EML4: variants seen among roughly 807,000 people sequenced by gnomAD.
EML4 encodes the protein EMAP like 4.
A neutral mutation model predicts 129.0 loss-of-function variants in EML4; 72 were observed. That is an observed-to-expected ratio of 0.56 (90% CI 0.46 to 0.68). The LOEUF (loss-of-function observed/expected upper bound fraction) is 0.68, where lower values mean the gene tolerates loss of function less well. Among genes scored for constraint, EML4 ranks in the 30% least tolerant of loss-of-function variants. The pLI is 0.00. For synonymous variants in EML4, 532 were observed against 405.0 expected (o/e 1.31, Z -3.77); for missense variants, 1,363 against 1,190.6 (o/e 1.14, Z -2.13).
intron 6 of EML4, among the ~76,000 whole-genome samples, chr2:42,267,065 T>A (rs1254013447): frequency 6.6e-6 from 1 of 152,226 alleles, no homozygotes; most frequent in African/African-American, 2.4e-5. Flanking sequence ...GTTTTACCAT[T>A]GACTTAGCTA....
chr2:42,244,108 T>TTTG (rs1675225749), intron 1 of EML4, among the ~76,000 whole-genome samples: 1 of 116,508 alleles, frequency 8.6e-6, no homozygotes, highest in Non-Finnish European at 1.9e-5. Flanking sequence ...TTTGTTTTTT[T>TTTG]TTTTTTTTTG....
intron 1 of EML4, among the ~76,000 whole-genome samples, chr2:42,188,855 C>T (rs1671419501): frequency 6.6e-6 from 1 of 152,136 alleles, no homozygotes; most frequent in African/African-American, 2.4e-5. Context: ...AAGGGCCAAG[C>T]ATGGTGGCTT....
At chr2:42,218,460 G>A (rs555769717) in intron 1 of EML4, among the ~76,000 whole-genome samples, 2 of 152,108 alleles carry the variant, frequency 1.3e-5, no homozygotes, top group Non-Finnish European at 2.9e-5. Flanking sequence ...CCCCTAGTCT[G>A]TGGAAACATT....
intron 4 of EML4, among the ~76,000 whole-genome samples, chr2:42,262,832 C>G (rs925728331): frequency 6.6e-6 from 1 of 152,050 alleles, no homozygotes; most frequent in African/African-American, 2.4e-5. Context: ...TTATAAAATT[C>G]AATGGCTATG....
chr2:42,249,820 A>G (rs1019879716), intron 2 of EML4, among the ~76,000 whole-genome samples: 4 of 152,168 alleles, frequency 2.6e-5, no homozygotes, highest in Admixed American at 6.6e-5. Flanking sequence ...TAAGGTGGCC[A>G]GTCACTTAAA....
At chr2:42,254,288 C>G (rs1675979274) in intron 2 of EML4, among the ~76,000 whole-genome samples, 1 of 151,846 alleles carries the variant, frequency 6.6e-6, no homozygotes, top group Admixed American at 6.6e-5. Flanking sequence ...AACCCTGTCT[C>G]TACGAAAAAA....
At chr2:42,305,326 A>G (rs6544539) in intron 17 of EML4, among the ~76,000 whole-genome samples, 3,643 of 152,324 alleles carry the variant, frequency 0.024, 140 homozygotes, top group African/African-American at 0.083. Flanking sequence ...ATGGGAGATT[A>G]AGAGGGAGTG....
At chr2:42,238,139 G>A (rs1674791272) in intron 1 of EML4, among the ~76,000 whole-genome samples, 1 of 152,136 alleles carries the variant, frequency 6.6e-6, no homozygotes, top group African/African-American at 2.4e-5. Context: ...GAATTTTGTA[G>A]TTAGACTTGG....
At chr2:42,256,443 T>C in intron 2 of EML4, 58 bp from the exon 3 acceptor site, 1 of 1,512,276 alleles carries the variant, frequency 6.6e-7, no homozygotes, top group South Asian at 1.3e-5. Flanking sequence ...TTTTAAAATT[T>C]AGATCTTTAA....
chr2:42,260,234 C>A (rs1182775514), intron 3 of EML4, among the ~76,000 whole-genome samples: 1 of 152,116 alleles, frequency 6.6e-6, no homozygotes, highest in African/African-American at 2.4e-5. Flanking sequence ...ATGGTGCAAT[C>A]TCCGCTCACT....
chr2:42,275,102 C>A (rs570486273), intron 6 of EML4, among the ~76,000 whole-genome samples: 1 of 152,024 alleles, frequency 6.6e-6, no homozygotes, highest in African/African-American at 2.4e-5. Flanking sequence ...CAATGTATAA[C>A]GCATATGTAA....
chr2:42,276,167 G>A (rs1316605966), intron 6 of EML4, among the ~76,000 whole-genome samples: 3 of 152,120 alleles, frequency 2.0e-5, no homozygotes, highest in Non-Finnish European at 4.4e-5. Context: ...AGAAGAGGTT[G>A]CAAACTGGTG....
At position 42,264,706 on chromosome 2, in the gene EML4, G is replaced by T. The variant is rs915669284; in HGVS notation, c.642G>T (p.Lys214Asn). 7.0e-7 allele frequency: 1 copy of T among 1,420,648 alleles called. No homozygotes were observed. Among genetic ancestry groups the T allele is most frequent in the Non-Finnish European group, 9.8e-7 (1 of 1,016,690 alleles). The allele number at this position is 1,420,648 out of a possible 1,614,324, so 88.0% of individuals were successfully genotyped here. ...TGTGTTTCTTAAATTTCTTTTCTAG[G>T]CATAAAGATGTCATCATCAACCAAG... ...LIPKVTKTAD[K>N]HKDVIINQEG... The change falls in exon 6 of 23, where the codon AAG becomes AAT. Residue 214 changes from lysine to asparagine, a missense_variant and splice_region_variant. Physicochemically the swap from Lys to Asn is moderately conservative, Grantham distance 94. Coordinates refer to ENST00000318522, the MANE Select transcript of EML4 (RefSeq NM_019063.5).
At chr2:42,276,306 C>A (rs746547634) in intron 6 of EML4, among the ~76,000 whole-genome samples, 1 of 152,052 alleles carries the variant, frequency 6.6e-6, no homozygotes, top group Non-Finnish European at 1.5e-5. Context: ...AATAAGAAGA[C>A]CTAGTACCAC....
Position 42,295,534 on chromosome 2 carries a change from T to G in EML4, c.1489+18T>G. On this transcript the variant is annotated intron_variant, in intron 13 of 22. Coordinates refer to ENST00000318522, the MANE Select transcript of EML4 (RefSeq NM_019063.5). ...ACCTAAAGGTACAGTATTCTTATATTAAACTCATTTCTGGTAATTCTCACA... is the reference window on the plus strand; with the variant it reads ...ACCTAAAGGTACAGTATTCTTATATGAAACTCATTTCTGGTAATTCTCACA... 2 of 1,603,612 alleles carry G rather than the reference T, an allele frequency of 1.2e-6. No individual in the cohort carries two copies. Among genetic ancestry groups the G allele is most frequent in the Non-Finnish European group, 1.7e-6 (2 of 1,176,456 alleles).
At chr2:42,224,626 G>C (rs1673831863) in intron 1 of EML4, among the ~76,000 whole-genome samples, 2 of 152,090 alleles carry the variant, frequency 1.3e-5, no homozygotes, top group African/African-American at 2.4e-5. Flanking sequence ...AGAACTGCCA[G>C]ATTGTTTTCC....
intron 1 of EML4, among the ~76,000 whole-genome samples, chr2:42,225,704 C>T (rs1673914072): frequency 6.6e-6 from 1 of 152,122 alleles, no homozygotes; most frequent in Non-Finnish European, 1.5e-5. Context: ...TTGATCCACC[C>T]TTCTTCCCTC....
chr2:42,229,526 GATAAC>G (rs1674186866), intron 1 of EML4, among the ~76,000 whole-genome samples: 1 of 152,102 alleles, frequency 6.6e-6, no homozygotes. Context: ...AAGCAAGACA[GATAAC>G]TGTCTTGCAA....
In EML4 at chr2:42,328,877, A is replaced by G. The variant is rs1669948571; in HGVS notation, c.2342-9A>G. 5 of 1,581,066 alleles carry G rather than the reference A, an allele frequency of 3.2e-6. No homozygotes were observed. The highest frequency in any genetic ancestry group is 3.7e-5 in the Admixed American group (2 of 54,658). On this transcript the variant is annotated splice_polypyrimidine_tract_variant and intron_variant, in intron 21 of 22. Transcript: ENST00000318522. Reference sequence around the variant, plus strand: ...AATTTTTCTGCATCCCTGTGTTTCCATATCAAAGGTGTCTGGCCAGAAGGA... The same window carrying G: ...AATTTTTCTGCATCCCTGTGTTTCCGTATCAAAGGTGTCTGGCCAGAAGGA...
Sources: allele counts gnomAD v4.1 joint callset (sites outside exome capture counted in the v4.1 genomes callset), GRCh38; gene constraint gnomAD v4.1.1; transcripts MANE v1.5; gene names NCBI Gene and HGNC (gene_info 2026-07-23, HGNC 2026-07-21).